The following G2E3 variants were observed in gnomAD, a reference collection of about 807,000 sequenced individuals.
G2E3 encodes G2/M-phase specific E3 ubiquitin protein ligase.
Under a neutral mutation model 92.8 loss-of-function variants are expected in G2E3, and 35 were observed. That is an observed-to-expected ratio of 0.38 (90% confidence interval 0.29 to 0.50). The LOEUF is 0.50. Among genes scored for constraint, G2E3 ranks in the 20% least tolerant of loss-of-function variants. The probability of loss-of-function intolerance (pLI) is 0.94; values close to 1 mark genes in which losing one functional copy is unlikely to be tolerated. For synonymous variants in G2E3, 242 were observed against 272.4 expected (o/e 0.89, Z 1.10); for missense variants, 554 against 823.8 (o/e 0.67, Z 4.01).
intron 11 of G2E3, among the ~76,000 whole-genome samples, chr14:30,606,260 G>A (rs1401851881): frequency 1.3e-5 from 2 of 151,288 alleles, no homozygotes; most frequent in South Asian, 2.1e-4. Flanking sequence ...GCACAATTAT[G>A]TATATGATGG....
chr14:30,586,663 G>GT (rs572984978), intron 2 of G2E3, 55 bp from the exon 3 acceptor site: 84 of 607,484 alleles, frequency 1.4e-4, no homozygotes, highest in African/African-American at 3.9e-4. Context: ...ATTCCATAGG[G>GT]TTTTTTTGAA....
intron 1 of G2E3, among the ~76,000 whole-genome samples, chr14:30,576,912 G>A (rs1880126790): frequency 6.6e-6 from 1 of 152,078 alleles, no homozygotes. Context: ...ACCTTTTTCA[G>A]TAAGATTAGG....
intron 7 of G2E3, among the ~76,000 whole-genome samples, chr14:30,597,755 A>T (rs1381933377): frequency 6.6e-6 from 1 of 152,230 alleles, no homozygotes; most frequent in African/African-American, 2.4e-5. Flanking sequence ...TAGCTCAGCT[A>T]TGTCCAATTT....
At chr14:30,606,238 A>AT (rs35256959) in intron 11 of G2E3, among the ~76,000 whole-genome samples, 7,558 of 147,190 alleles carry the variant, frequency 0.051, 600 homozygotes, top group African/African-American at 0.17. Flanking sequence ...TGTTTGCAAT[A>AT]TTTTTTTTTT....
chr14:30,588,483 G>A (rs1400947957), intron 3 of G2E3, among the ~76,000 whole-genome samples: 2 of 151,800 alleles, frequency 1.3e-5, no homozygotes, highest in Middle Eastern at 3.4e-3. Context: ...CATTTAAGTT[G>A]ATCAGATCAA....
Position 30,586,774 on chromosome 14 carries a change from A to G in G2E3, c.94A>G (p.Thr32Ala). ...DCPNKYGEKK[T>A]KEKWNLTVHY... ...TCCTAATAAATACGGAGAAAAGAAA[A>G]CTAAGGAGAAATGGAATCTCACTGT... Residue 32 changes from threonine (T) to alanine (A), a missense_variant, in exon 3 of 15, where the codon ACT (threonine) becomes GCT (alanine). This residue lies in a region of G2E3 where 137 missense variants were observed against 201.3 expected (regional missense o/e 0.68). Coordinates refer to ENST00000206595, the MANE Select transcript of G2E3 (RefSeq NM_017769.5). The G allele has an allele frequency of 1.4e-6, 2 of 1,441,830 alleles. No individual in the cohort carries two copies. The highest frequency in any genetic ancestry group is 1.9e-6 in the Non-Finnish European group (2 of 1,054,954). 89.3% of individuals were successfully genotyped at this position (1,441,830 alleles called of 1,614,324 possible). A position where few individuals can be genotyped will look rare whatever the true frequency, so the allele number is the denominator to read the frequency against.
chr14:30,561,849 T>C (rs74781994), intron 1 of G2E3, among the ~76,000 whole-genome samples: 4 of 132,310 alleles, frequency 3.0e-5, no homozygotes, highest in East Asian at 4.0e-4. Flanking sequence ...AAGTTGTTGC[T>C]TTTTTTTTTT....
chr14:30,611,984 G>C (rs73251132), intron 12 of G2E3: 2 of 390,868 alleles, frequency 5.1e-6, no homozygotes, highest in South Asian at 7.9e-5. Flanking sequence ...ATAGTTTCAC[G>C]TAGTAAAGTG....
chr14:30,594,430 C>CT lies in G2E3; in HGVS notation c.528+792dup, dbSNP rs1447253331. Among the ~76,000 whole-genome samples the CT allele has an allele frequency of 4.6e-5, 7 of 152,284 alleles. No homozygotes were observed. In the South Asian group the frequency reaches 1.4e-3, roughly 32 times the overall value. On this transcript the variant is annotated intron_variant, in intron 6 of 14. Transcript: ENST00000206595. ...GTAGGCCGGGTGTGGTGGCTCACGCCTGTAATCCCAGCACTTTGGGAGGCC... is the reference window on the plus strand; with the variant it reads ...GTAGGCCGGGTGTGGTGGCTCACGCCTTGTAATCCCAGCACTTTGGGAGGCC...
chr14:30,579,068 A>G (rs1184466373), intron 1 of G2E3, among the ~76,000 whole-genome samples: 1 of 152,196 alleles, frequency 6.6e-6, no homozygotes, highest in Admixed American at 6.5e-5. Context: ...TTGTTCACTT[A>G]AGGCAGTTCT....
intron 1 of G2E3, 73 bp from the exon 2 acceptor site, chr14:30,581,003 A>G (rs538735772): frequency 2.9e-4 from 236 of 809,800 alleles, no homozygotes; most frequent in Middle Eastern, 2.6e-3. Flanking sequence ...TTATGCATTG[A>G]CTGCAAGTAA....
At chr14:30,561,573 A>C (rs775123300) in intron 1 of G2E3, among the ~76,000 whole-genome samples, 1 of 152,214 alleles carries the variant, frequency 6.6e-6, no homozygotes, top group Non-Finnish European at 1.5e-5. Context: ...CTCCAAATCT[A>C]TCTCTTATTA....
At chr14:30,581,982 C>G (rs1485533176) in intron 2 of G2E3, among the ~76,000 whole-genome samples, 1 of 152,160 alleles carries the variant, frequency 6.6e-6, no homozygotes, top group Non-Finnish European at 1.5e-5. Flanking sequence ...TTGATCATTA[C>G]TTTTAAAGTA....
intron 1 of G2E3, among the ~76,000 whole-genome samples, chr14:30,567,879 C>T (rs1334621696): frequency 6.6e-6 from 1 of 151,998 alleles, no homozygotes; most frequent in Admixed American, 6.6e-5. Flanking sequence ...TTTCTAGTTT[C>T]ATTCCATAGT....
chr14:30,602,503 T>C (rs1881619230), intron 10 of G2E3, among the ~76,000 whole-genome samples: 1 of 152,214 alleles, frequency 6.6e-6, no homozygotes, highest in African/African-American at 2.4e-5. Context: ...CTGGAAAATG[T>C]ACTTAAAATG....
chr14:30,566,479 T>G (rs1165716486), intron 1 of G2E3, among the ~76,000 whole-genome samples: 1 of 152,256 alleles, frequency 6.6e-6, no homozygotes, highest in Non-Finnish European at 1.5e-5. Flanking sequence ...AATTTATTAC[T>G]AAGTAATTTT....
intron 6 of G2E3, among the ~76,000 whole-genome samples, chr14:30,595,027 A>G (rs1881212411): frequency 6.6e-6 from 1 of 152,024 alleles, no homozygotes; most frequent in South Asian, 2.1e-4. Flanking sequence ...GATCCCAGCT[A>G]CTTAGGAGGC....
At chr14:30,580,189 A>C (rs1408575626) in intron 1 of G2E3, among the ~76,000 whole-genome samples, 1 of 151,936 alleles carries the variant, frequency 6.6e-6, no homozygotes, top group Non-Finnish European at 1.5e-5. Context: ...TAGACTAATA[A>C]AGGATTGTTT....
At chr14:30,597,674 A>G (rs889064886) in intron 7 of G2E3, 148 bp downstream of exon 7, 3 of 602,498 alleles carry the variant, frequency 5.0e-6, no homozygotes, top group Non-Finnish European at 8.9e-6. Flanking sequence ...CCTCCCCCAC[A>G]TGGCCAGTTC....
Sources: allele counts gnomAD v4.1 joint callset (sites outside exome capture counted in the v4.1 genomes callset), GRCh38; gene constraint gnomAD v4.1.1; regional missense constraint gnomAD v4.1.1; transcripts MANE v1.5; gene names NCBI Gene and HGNC (gene_info 2026-07-23, HGNC 2026-07-21).